Variants in KIF3A observed in about 807,000 individuals in gnomAD.
KIF3A encodes kinesin family member 3A, also known as kinesin-like protein KIF3A.
KIF3A carries 27 observed loss-of-function variants against 92.6 expected under a neutral mutation model. That is an observed-to-expected ratio of 0.29 (90% CI 0.21 to 0.40). The LOEUF is 0.40. Among genes scored for constraint, KIF3A ranks in the 10% least tolerant of loss-of-function variants. The pLI, the probability that KIF3A is intolerant of heterozygous loss-of-function variation, is 1.00. For synonymous variants in KIF3A, 250 were observed against 275.4 expected, an observed-to-expected ratio of 0.91 and a Z score of 0.92; for missense variants, 581 against 872.6, an observed-to-expected ratio of 0.67 and a Z score of 4.21.
intron 1 of KIF3A, chr5:132,736,963 A>G (rs955512922): frequency 6.3e-6 from 2 of 315,436 alleles, no homozygotes; most frequent in African/African-American, 4.4e-5. Context: ...CAAGGCTAGG[A>G]GACTCGGAGT....
At chr5:132,702,530 T>G (rs918891732) in intron 14 of KIF3A, 28 bp downstream of exon 14, 23 of 1,313,624 alleles carry the variant, frequency 1.8e-5, no homozygotes, top group Non-Finnish European at 2.5e-5. Flanking sequence ...CAGAACTGCA[T>G]TAGTAGGTAA....
Position 132,694,967 on chromosome 5 carries a change from C to T in KIF3A, c.*1667G>A, listed in dbSNP as rs1752784447. 1 of 152,192 alleles carries T rather than the reference C, an allele frequency of 6.6e-6. No individual in the cohort carries two copies. The highest frequency in any genetic ancestry group is 2.1e-4 in the South Asian group (1 of 4,818). 9.4% of individuals were successfully genotyped at this position (152,192 alleles called of 1,614,324 possible). A position where few individuals can be genotyped will look rare whatever the true frequency, so the allele number is the denominator to read the frequency against. On this transcript the variant is annotated 3_prime_UTR_variant, in exon 19 of 19. Coordinates refer to ENST00000403231, the MANE Select transcript of KIF3A (RefSeq NM_001300791.2). ...TTTTATCGCCACCTCAAGAGTACTC[C>T]ACCTTCACTCACCCCTACTCTATAC...
chr5:132,710,133 AAC>A (rs1412256034), intron 9 of KIF3A, among the ~76,000 whole-genome samples: 1 of 152,230 alleles, frequency 6.6e-6, no homozygotes, highest in Non-Finnish European at 1.5e-5. Context: ...GATCATAATA[AAC>A]AGTCTTAATT....
chr5:132,727,345 T>G (rs750656286), intron 2 of KIF3A, among the ~76,000 whole-genome samples: 11 of 152,158 alleles, frequency 7.2e-5, no homozygotes, highest in Non-Finnish European at 1.6e-4. Flanking sequence ...GTATTCAGAA[T>G]GAGAAACAGG....
At chr5:132,728,362 G>A (rs2149918830) in intron 2 of KIF3A, among the ~76,000 whole-genome samples, 1 of 152,070 alleles carries the variant, frequency 6.6e-6, no homozygotes, top group East Asian at 1.9e-4. Context: ...GCACCTCCCA[G>A]CTATGTTTGC....
At position 132,720,521 on chromosome 5, in the gene KIF3A, C is replaced by T. The variant is rs572616739; in HGVS notation, c.616+88G>A. Reference sequence around the variant, plus strand: ...TCAAGAAACCTAAAAAATCCAGTCTCTACAGGGTAAAGTGCCATACCAAAT... The same window carrying T: ...TCAAGAAACCTAAAAAATCCAGTCTTTACAGGGTAAAGTGCCATACCAAAT... On this transcript the variant is annotated intron_variant, in intron 5 of 18. Coordinates refer to ENST00000403231, the MANE Select transcript of KIF3A (RefSeq NM_001300791.2). The T allele has an allele frequency of 1.4e-4, 100 of 704,312 alleles. 1 individual carries two copies. The African/African-American group carries it at 1.7e-3, about 12-fold the overall frequency. The allele number at this position is 704,312 out of a possible 1,614,324, so 43.6% of individuals were successfully genotyped here.
chr5:132,730,074 GAAT>G (rs1754173608), intron 2 of KIF3A, among the ~76,000 whole-genome samples: 1 of 152,146 alleles, frequency 6.6e-6, no homozygotes, highest in African/African-American at 2.4e-5. Context: ...CATACTAAAA[GAAT>G]AATAAGGGAA....
chr5:132,713,493 ACTT>A lies in KIF3A; in HGVS notation c.1129+2261_1129+2263del, dbSNP rs555336640. ...AATTATTATTTTAATGCTATTGCCTACTTTTTTATTGTTGATATGATCAACTCC... is the reference window on the plus strand; with the variant it reads ...AATTATTATTTTAATGCTATTGCCTATTTTATTGTTGATATGATCAACTCC... On this transcript the variant is annotated intron_variant, in intron 8 of 18. Transcript: ENST00000403231. 1.6e-3 allele frequency among the ~76,000 whole-genome samples: 243 copies of A among 152,298 alleles called. 1 individual carries two copies. The highest frequency in any genetic ancestry group is 5.5e-3 in the African/African-American group (229 of 41,560).
Position 132,702,619 on chromosome 5 carries a change from G to C in KIF3A, c.1697C>G (p.Ala566Gly). 6.2e-7 allele frequency: 1 copy of C among 1,613,208 alleles called. No homozygotes were observed. ...CTTTAACTTCTTGGTCTTTCCCTGT[G>C]CTTCCTCTTGCAAACTGGTATATTT... The part of the protein sequence containing the change: ...EEKYTSLQEE[A>G]QGKTKKLKKV... The change falls in exon 14 of 19, where the codon GCA (alanine) becomes GGA (glycine). Residue 566 changes from alanine to glycine, a missense_variant. Transcript: ENST00000403231.
intron 18 of KIF3A, chr5:132,697,562 T>C (rs549525994): frequency 6.6e-6 from 1 of 152,090 alleles, no homozygotes; most frequent in South Asian, 2.1e-4. Flanking sequence ...ATGCCTGTAA[T>C]CATAACACTC....
chr5:132,736,899 C>T (rs1417238405), intron 1 of KIF3A: 3 of 347,122 alleles, frequency 8.6e-6, no homozygotes, highest in Non-Finnish European at 1.7e-5. Flanking sequence ...ACAAAGACAC[C>T]TACGGGTTTC....
intron 14 of KIF3A, 115 bp from the exon 15 acceptor site, chr5:132,702,327 T>C: frequency 1.0e-6 from 1 of 996,630 alleles, no homozygotes. Context: ...CTAGTTCTTT[T>C]ATAAAAATGA....
At chr5:132,701,641 T>C (rs1482908921) in intron 15 of KIF3A, among the ~76,000 whole-genome samples, 3 of 152,172 alleles carry the variant, frequency 2.0e-5, no homozygotes, top group African/African-American at 7.2e-5. Flanking sequence ...AGATGAATGA[T>C]GGTACAGGTT....
intron 4 of KIF3A, among the ~76,000 whole-genome samples, chr5:132,725,296 C>G (rs145796738): frequency 6.6e-6 from 1 of 152,064 alleles, no homozygotes; most frequent in Non-Finnish European, 1.5e-5. Context: ...ATCCTTAACA[C>G]TGTAATACAC....
intron 2 of KIF3A, 48 bp downstream of exon 2, chr5:132,734,157 A>G (rs745438743): frequency 7.1e-7 from 1 of 1,418,328 alleles, no homozygotes; most frequent in Admixed American, 1.8e-5. Context: ...ATGGCACAGT[A>G]ATTATGTCTC....
rs186688533 is a variant in KIF3A at position 132,696,664 on chromosome 5, A to C, written c.2151T>G (p.Pro717=). 210 of 1,610,762 alleles carry C rather than the reference A, an allele frequency of 1.3e-4. No individual in the cohort carries two copies. The highest frequency in any genetic ancestry group is 6.5e-4 in the Admixed American group (39 of 59,998). Residue 717 remains proline, a synonymous_variant, in exon 19 of 19, where the codon CCT becomes CCG. Coordinates refer to ENST00000403231, the MANE Select transcript of KIF3A (RefSeq NM_001300791.2). ...GCAGTAAAGAGTCAATTACAGTTTCAGGCTTTGCAGAACGCTTTCTGTTTG... is the reference window on the plus strand; with the variant it reads ...GCAGTAAAGAGTCAATTACAGTTTCCGGCTTTGCAGAACGCTTTCTGTTTG... The part of the protein sequence containing the change: ...KTGRRKRSAK[P]ETVIDSLLQ
At chr5:132,726,297 G>GTGCC in intron 3 of KIF3A, 57 bp downstream of exon 3, 4 of 1,576,406 alleles carry the variant, frequency 2.5e-6, no homozygotes, top group Non-Finnish European at 2.6e-6. Flanking sequence ...TTATACCTAT[G>GTGCC]TGCCTTTCCA....
chr5:132,709,698 C>T (rs1045076738), intron 9 of KIF3A, among the ~76,000 whole-genome samples: 2 of 152,112 alleles, frequency 1.3e-5, no homozygotes, highest in African/African-American at 4.8e-5. Flanking sequence ...ATCAGGCAAA[C>T]GTTTTCTGCA....
intron 18 of KIF3A, among the ~76,000 whole-genome samples, chr5:132,698,729 A>ATT (rs200925076): frequency 0.095 from 12,488 of 132,020 alleles, 827 homozygotes; most frequent in African/African-American, 0.13. Flanking sequence ...AAGGAATTTG[A>ATT]TTTTTTTTTT....
Sources: gnomAD v4.1 joint callset for allele counts (sites outside exome capture counted in the v4.1 genomes callset) on GRCh38, gnomAD v4.1.1 for gene constraint, MANE v1.5 for transcripts, NCBI Gene and HGNC (gene_info 2026-07-23, HGNC 2026-07-21) for gene names.